Variants in ABCG1 observed in about 807,000 individuals in gnomAD.
ABCG1 encodes ATP-binding cassette sub-family G member 1.
A neutral mutation model predicts 69.2 loss-of-function variants in ABCG1; 29 were observed. That is an observed-to-expected ratio of 0.42 (90% CI 0.31 to 0.57). ABCG1 has a LOEUF of 0.57. Ranked by LOEUF, ABCG1 falls within the 20% of genes least tolerant of loss-of-function variation. The probability of loss-of-function intolerance (pLI) is 0.15; values close to 1 mark genes in which losing one functional copy is unlikely to be tolerated. For missense variants in ABCG1, 718 were observed against 898.1 expected, an observed-to-expected ratio of 0.80 and a Z score of 2.56; for synonymous variants, 370 against 374.8, an observed-to-expected ratio of 0.99 and a Z score of 0.15.
chr21:42,295,799 T>C (rs1323732585), intron 14 of ABCG1, among the ~76,000 whole-genome samples: 1 of 152,216 alleles, frequency 6.6e-6, no homozygotes, highest in Non-Finnish European at 1.5e-5. Context: ...ATATAAATGC[T>C]CTCAAGTCCT....
In ABCG1 at chr21:42,284,688, GCGGGCCC is replaced by G; in HGVS notation, c.858+13_858+19del. 6.2e-7 allele frequency: 1 copy of G among 1,612,090 alleles called. No homozygotes were observed. The highest frequency in any genetic ancestry group is 8.5e-7 in the Non-Finnish European group (1 of 1,179,908). On this transcript the variant is annotated splice_donor_region_variant and intron_variant, in intron 7 of 14. Transcript: ENST00000398449. ...CTCTTCGAGCTGTTCGACCAGGTAC[GCGGGCCC>G]CGGGCCCTCCCCGCCAGATTACCAC...
chr21:42,294,329 C>A (rs2069161047), intron 13 of ABCG1, among the ~76,000 whole-genome samples: 2 of 152,228 alleles, frequency 1.3e-5, no homozygotes, highest in Non-Finnish European at 2.9e-5. Flanking sequence ...GGCTCTGGGG[C>A]TGCCACGTCA....
At chr21:42,259,547 C>T in intron 2 of ABCG1, 2 of 1,522,466 alleles carry the variant, frequency 1.3e-6, no homozygotes, top group Non-Finnish European at 1.8e-6. Flanking sequence ...ATCATGTGGG[C>T]CCTCAGGCTA....
Position 42,276,742 on chromosome 21 carries a change from C to T in ABCG1, c.538-153C>T. Reference sequence around the variant, plus strand: ...TGCACCGTGGCTAGCGGCATTGTGGCTAGCTGCACTGTGGGTAGCTGCACC... The same window carrying T: ...TGCACCGTGGCTAGCGGCATTGTGGTTAGCTGCACTGTGGGTAGCTGCACC... On this transcript the variant is annotated intron_variant, in intron 4 of 14. Coordinates refer to ENST00000398449, the MANE Select transcript of ABCG1 (RefSeq NM_016818.3). This position sits in a 1 kb window ranked among gnomAD's most constrained non-coding sequence, Gnocchi z 5.3. 1 of 720,216 alleles carries T rather than the reference C, an allele frequency of 1.4e-6. No individual in the cohort carries two copies. The highest frequency in any genetic ancestry group is 2.4e-6 in the Non-Finnish European group (1 of 419,240). The allele number at this position is 720,216 out of a possible 1,614,324, so 44.6% of individuals were successfully genotyped here. A position where few individuals can be genotyped will look rare whatever the true frequency, so the allele number is the denominator to read the frequency against.
chr21:42,234,080 G>T (rs1399779503), intron 2 of ABCG1, among the ~76,000 whole-genome samples: 1 of 152,072 alleles, frequency 6.6e-6, no homozygotes, highest in Non-Finnish European at 1.5e-5. Flanking sequence ...TGAGCAAATC[G>T]TGTTTGCTTT....
chr21:42,239,113 C>T (rs1293891012), intron 2 of ABCG1, among the ~76,000 whole-genome samples: 1 of 152,088 alleles, frequency 6.6e-6, no homozygotes, highest in Non-Finnish European at 1.5e-5. Flanking sequence ...GCAAAATGCC[C>T]TCAGTAAAGG....
At chr21:42,208,625 G>A (rs1336276658) in intron 2 of ABCG1, among the ~76,000 whole-genome samples, 1 of 152,180 alleles carries the variant, frequency 6.6e-6, no homozygotes, top group Non-Finnish European at 1.5e-5. Flanking sequence ...CCAGGTGCTA[G>A]GAGACCTGGA....
chr21:42,216,865 T>C (rs1427617979), upstream of ABCG1, among the ~76,000 whole-genome samples: 3 of 152,194 alleles, frequency 2.0e-5, no homozygotes, highest in Non-Finnish European at 4.4e-5. Context: ...GTGGGATGCT[T>C]ACTCGGTGCT....
In ABCG1 at chr21:42,285,915, G is replaced by C; in HGVS notation, c.894G>C (p.Arg298=). ...YVLSQGQCVY[R]GKVCNLVPYL... is the part of the protein sequence containing the mutation. Reference sequence around the variant, plus strand: ...TGAGTCAAGGACAATGTGTGTACCGGGGAAAAGTCTGCAATCTTGTGCCAT... The same window carrying C: ...TGAGTCAAGGACAATGTGTGTACCGCGGAAAAGTCTGCAATCTTGTGCCAT... The change falls in exon 8 of 15, where the codon CGG becomes CGC. Residue 298 remains arginine, a synonymous_variant. Coordinates refer to ENST00000398449, the MANE Select transcript of ABCG1 (RefSeq NM_016818.3). 1 of 1,614,030 alleles carries C rather than the reference G, an allele frequency of 6.2e-7. No individual in the cohort carries two copies. The highest frequency in any genetic ancestry group is 8.5e-7 in the Non-Finnish European group (1 of 1,179,996).
intron 2 of ABCG1, 25 bp downstream of exon 2, chr21:42,225,939 A>C: frequency 1.2e-6 from 2 of 1,605,834 alleles, no homozygotes; most frequent in African/African-American, 1.3e-5. Flanking sequence ...TGCTTTGTGT[A>C]TCAAGCTGGG....
At chr21:42,238,219 T>C (rs1601373134) in intron 2 of ABCG1, among the ~76,000 whole-genome samples, 1 of 152,262 alleles carries the variant, frequency 6.6e-6, no homozygotes, top group East Asian at 1.9e-4. Context: ...TCAGGTTTTC[T>C]ACCCATTCTT....
intron 3 of ABCG1, among the ~76,000 whole-genome samples, chr21:42,272,772 G>A (rs1364504962): frequency 6.6e-6 from 1 of 152,214 alleles, no homozygotes; most frequent in African/African-American, 2.4e-5. Flanking sequence ...TCAGCAGAGA[G>A]AATTCTCCCT....
rs2069215675 is a variant in ABCG1, at chr21:42,296,599, C to G, written c.*207C>G. On this transcript the variant is annotated 3_prime_UTR_variant, in exon 15 of 15. Transcript: ENST00000398449. The surrounding 1 kb of genome is among the most constrained non-coding windows in gnomAD (Gnocchi z 5.4). ...TCTCCATTCCCCTTTCTAGCTTTAACTAGGAAGATGTAGGCAGATTGGTGG... is the reference window on the plus strand; with the variant it reads ...TCTCCATTCCCCTTTCTAGCTTTAAGTAGGAAGATGTAGGCAGATTGGTGG... 3 of 572,688 alleles carry G rather than the reference C, an allele frequency of 5.2e-6. No individual in the cohort carries two copies. In the South Asian group the frequency reaches 6.3e-5, roughly 12 times the overall value. The allele number at this position is 572,688 out of a possible 1,614,324, so 35.5% of individuals were successfully genotyped here. A position where few individuals can be genotyped will look rare whatever the true frequency, so the allele number is the denominator to read the frequency against.
chr21:42,242,720 A>C (rs1427874700), intron 2 of ABCG1, among the ~76,000 whole-genome samples: 1 of 152,150 alleles, frequency 6.6e-6, no homozygotes, highest in Admixed American at 6.6e-5. Flanking sequence ...TCCACATCCC[A>C]GTCCTTTAGA....
intron 6 of ABCG1, among the ~76,000 whole-genome samples, chr21:42,283,845 C>A (rs2068873817): frequency 1.7e-5 from 1 of 58,730 alleles, no homozygotes; most frequent in Non-Finnish European, 3.6e-5. Context: ...AGTCCCCCCG[C>A]CCAGATGAGT....
intron 7 of ABCG1, among the ~76,000 whole-genome samples, chr21:42,285,329 C>A (rs922943367): frequency 6.6e-6 from 1 of 151,760 alleles, no homozygotes; most frequent in African/African-American, 2.4e-5. Flanking sequence ...AAAACCCTGT[C>A]TCTACAAAAG....
intron 2 of ABCG1, chr21:42,260,014 C>G: frequency 6.5e-7 from 1 of 1,544,866 alleles, no homozygotes; most frequent in Non-Finnish European, 8.7e-7. Context: ...TGCACGTGGT[C>G]AGTCCAAGTC....
intron 2 of ABCG1, among the ~76,000 whole-genome samples, chr21:42,257,581 C>T (rs563769709): frequency 4.5e-4 from 69 of 152,264 alleles, no homozygotes; most frequent in African/African-American, 1.6e-3. Flanking sequence ...TGGGGAAGGA[C>T]CGTACTGAGA....
At chr21:42,294,918 C>CCT in intron 14 of ABCG1, 1 of 445,056 alleles carries the variant, frequency 2.2e-6, no homozygotes, top group Non-Finnish European at 4.2e-6. Flanking sequence ...GTGTTCTGGA[C>CCT]GTTGCCGAGA....
Sources: allele counts gnomAD v4.1 joint callset (sites outside exome capture counted in the v4.1 genomes callset), GRCh38; gene constraint gnomAD v4.1.1; non-coding constraint Gnocchi (gnomAD v3.1); transcripts MANE v1.5; gene names NCBI Gene and HGNC (gene_info 2026-07-23, HGNC 2026-07-21).